TMEFF1: variants seen among roughly 807,000 people sequenced by gnomAD.
TMEFF1 encodes tomoregulin-1.
In TMEFF1, 20 loss-of-function variants were observed where a neutral mutation model predicts 47.5. The ratio of observed to expected loss-of-function variants is 0.42; its 90% CI spans 0.30 to 0.61. The LOEUF is 0.61. Ranked by LOEUF, TMEFF1 falls within the 20% of genes least tolerant of loss-of-function variation. The pLI is 0.19. For synonymous variants in TMEFF1, 162 were observed against 166.3 expected, an observed-to-expected ratio of 0.97 and a Z score of 0.20; for missense variants, 411 against 471.1, an observed-to-expected ratio of 0.87 and a Z score of 1.18.
chr9:100,525,237 C>T (rs1038999297), intron 5 of TMEFF1, among the ~76,000 whole-genome samples: 2 of 152,090 alleles, frequency 1.3e-5, no homozygotes, highest in African/African-American at 2.4e-5. Flanking sequence ...CTGACAGTAA[C>T]TACTTGGAGT....
chr9:100,524,567 C>T (rs541907278), intron 5 of TMEFF1, among the ~76,000 whole-genome samples: 1 of 152,280 alleles, frequency 6.6e-6, no homozygotes, highest in African/African-American at 2.4e-5. Context: ...TGATAGGATT[C>T]TAATGTCTGG....
intron 5 of TMEFF1, among the ~76,000 whole-genome samples, chr9:100,527,512 C>T (rs974306504): frequency 2.0e-5 from 3 of 152,204 alleles, no homozygotes; most frequent in Admixed American, 6.5e-5. Context: ...CACTCCCACC[C>T]GAATACTGCG....
chr9:100,522,901 A>AT (rs994191049), intron 5 of TMEFF1, among the ~76,000 whole-genome samples: 1 of 151,690 alleles, frequency 6.6e-6, no homozygotes, highest in Non-Finnish European at 1.5e-5. Flanking sequence ...CACCCAGCTA[A>AT]TTTTTTGTAT....
At chr9:100,560,897 T>C (rs1839002362) in intron 7 of TMEFF1, among the ~76,000 whole-genome samples, 1 of 152,214 alleles carries the variant, frequency 6.6e-6, no homozygotes, top group Non-Finnish European at 1.5e-5. Flanking sequence ...ATGTGCTTGA[T>C]AATTTTCATT....
chr9:100,501,131 G>A (rs1837750549), intron 2 of TMEFF1, among the ~76,000 whole-genome samples: 1 of 152,160 alleles, frequency 6.6e-6, no homozygotes, highest in South Asian at 2.1e-4. Flanking sequence ...GGTGGGTTTT[G>A]TTGTTGAAGA....
At chr9:100,563,690 G>A (rs998642211) in intron 8 of TMEFF1, among the ~76,000 whole-genome samples, 3 of 152,136 alleles carry the variant, frequency 2.0e-5, no homozygotes, top group Admixed American at 2.0e-4. Context: ...AATAGCAATT[G>A]ATATCATTAT....
intron 8 of TMEFF1, among the ~76,000 whole-genome samples, chr9:100,562,904 G>A (rs1052238050): frequency 6.6e-6 from 1 of 152,094 alleles, no homozygotes; most frequent in African/African-American, 2.4e-5. Flanking sequence ...TGCAACCTCC[G>A]CCTCCTGGGT....
At chr9:100,522,433 T>C (rs958446170) in intron 5 of TMEFF1, among the ~76,000 whole-genome samples, 8 of 136,214 alleles carry the variant, frequency 5.9e-5, no homozygotes, top group African/African-American at 8.2e-5. Flanking sequence ...ATATCTTCTT[T>C]TTTTTTTTTT....
chr9:100,498,654 G>T, intron 1 of TMEFF1, 111 bp from the exon 2 acceptor site: 1 of 880,930 alleles, frequency 1.1e-6, no homozygotes, highest in Non-Finnish European at 1.7e-6. Flanking sequence ...TCTGAATGGG[G>T]GGGCTCAATA....
chr9:100,483,313 A>G (rs893181174), intron 1 of TMEFF1, among the ~76,000 whole-genome samples: 6 of 152,238 alleles, frequency 3.9e-5, no homozygotes, highest in Admixed American at 1.3e-4. Flanking sequence ...CCTGGCCAAC[A>G]TGATGAAAAC....
intron 5 of TMEFF1, among the ~76,000 whole-genome samples, chr9:100,532,070 C>T (rs1838393403): frequency 6.6e-6 from 1 of 151,972 alleles, no homozygotes; most frequent in South Asian, 2.1e-4. Context: ...CCCTTCCTTA[C>T]ACCTTATACA....
chr9:100,506,492 G>A (rs981020876), intron 2 of TMEFF1, among the ~76,000 whole-genome samples: 1 of 151,936 alleles, frequency 6.6e-6, no homozygotes, highest in Non-Finnish European at 1.5e-5. Context: ...CAGGCCAGGC[G>A]CAGTGGCTTA....
At chr9:100,490,367 T>C (rs1837526520) in intron 1 of TMEFF1, among the ~76,000 whole-genome samples, 1 of 152,222 alleles carries the variant, frequency 6.6e-6, no homozygotes, top group Non-Finnish European at 1.5e-5. Context: ...TCTGATTTCC[T>C]GGGACTTGAA....
intron 1 of TMEFF1, among the ~76,000 whole-genome samples, chr9:100,488,500 T>C (rs1837491120): frequency 6.6e-6 from 1 of 152,234 alleles, no homozygotes; most frequent in Non-Finnish European, 1.5e-5. Context: ...TGAGAGGTTG[T>C]GCCACTATGT....
chr9:100,525,607 C>T (rs906858412), intron 5 of TMEFF1, among the ~76,000 whole-genome samples: 5 of 151,756 alleles, frequency 3.3e-5, no homozygotes, highest in Non-Finnish European at 7.4e-5. Flanking sequence ...ATTATGTAAT[C>T]GTGACTGGTT....
At chr9:100,499,480 C>T (rs1261069510) in intron 2 of TMEFF1, among the ~76,000 whole-genome samples, 1 of 152,148 alleles carries the variant, frequency 6.6e-6, no homozygotes. Flanking sequence ...AATCAGACTT[C>T]AGAATGTTTC....
rs1049457209 is a variant in TMEFF1, at chr9:100,561,558, T to C, written c.899+38T>C. Reference sequence around the variant, plus strand: ...TTCCAGATCAGTGGTGAGCATTTTTTTTCATCAATGGTTGTTGCTCTATAG... The same window carrying C: ...TTCCAGATCAGTGGTGAGCATTTTTCTTCATCAATGGTTGTTGCTCTATAG... On this transcript the variant is annotated intron_variant, in intron 8 of 9. Transcript: ENST00000374879. 3 of 1,588,058 alleles carry C rather than the reference T, an allele frequency of 1.9e-6. No homozygotes were observed. In the African/African-American group the frequency reaches 4.1e-5, roughly 22 times the overall value.
At chr9:100,556,324 G>T (rs993511337) in intron 7 of TMEFF1, among the ~76,000 whole-genome samples, 1 of 152,096 alleles carries the variant, frequency 6.6e-6, no homozygotes, top group Admixed American at 6.6e-5. Context: ...CCCATCATTA[G>T]GCTCACATTT....
intron 8 of TMEFF1, among the ~76,000 whole-genome samples, chr9:100,561,811 A>G (rs544669073): frequency 1.4e-4 from 22 of 152,168 alleles, no homozygotes; most frequent in Non-Finnish European, 2.2e-4. Context: ...TTTTTAGGCA[A>G]TCTGTCACAA....
Sources: gnomAD v4.1 joint callset for allele counts (sites outside exome capture counted in the v4.1 genomes callset) on GRCh38, gnomAD v4.1.1 for gene constraint, MANE v1.5 for transcripts, NCBI Gene and HGNC (gene_info 2026-07-23, HGNC 2026-07-21) for gene names.